The following EPHA5 variants were observed in gnomAD, a reference collection of about 807,000 sequenced individuals.
EPHA5 encodes EPH receptor A5, also known as ephrin type-A receptor 5.
In EPHA5, 60 loss-of-function variants were observed where a neutral mutation model predicts 105.0. The observed-to-expected ratio is 0.57, with a 90% confidence interval of 0.46 to 0.71. EPHA5 has a LOEUF of 0.71. Ranked by LOEUF, EPHA5 falls within the 30% of genes least tolerant of loss-of-function variation. The probability of loss-of-function intolerance (pLI) is 0.00; values close to 1 mark genes in which losing one functional copy is unlikely to be tolerated. For synonymous variants in EPHA5, 513 were observed against 449.1 expected, an observed-to-expected ratio of 1.14 and a Z score of -1.80; for missense variants, 1,218 against 1,274.7, an observed-to-expected ratio of 0.96 and a Z score of 0.68.
chr4:65,639,412 G>T (rs920434889), intron 2 of EPHA5, among the ~76,000 whole-genome samples: 2 of 152,108 alleles, frequency 1.3e-5, no homozygotes, highest in African/African-American at 2.4e-5. Context: ...AGAGGTCATC[G>T]CTTTGCCTTC....
intron 3 of EPHA5, among the ~76,000 whole-genome samples, chr4:65,515,933 A>G (rs945936328): frequency 6.6e-6 from 1 of 152,180 alleles, no homozygotes; most frequent in African/African-American, 2.4e-5. Context: ...TAGGACATCC[A>G]TCTTCTCCTG....
At chr4:65,405,661 T>C (rs1219208939) in intron 7 of EPHA5, among the ~76,000 whole-genome samples, 1 of 152,150 alleles carries the variant, frequency 6.6e-6, no homozygotes, top group Non-Finnish European at 1.5e-5. Flanking sequence ...AAAACTATTA[T>C]TTTCAATATA....
intron 3 of EPHA5, among the ~76,000 whole-genome samples, chr4:65,544,088 A>C (rs1239023293): frequency 6.6e-6 from 1 of 152,170 alleles, no homozygotes; most frequent in African/African-American, 2.4e-5. Flanking sequence ...AGATGGATTA[A>C]ATACTTAAAT....
chr4:65,478,683 G>T (rs372705206), intron 5 of EPHA5, among the ~76,000 whole-genome samples: 6 of 151,982 alleles, frequency 3.9e-5, no homozygotes, highest in East Asian at 1.9e-4. Context: ...TGCTGGCCAG[G>T]CTGGTCTCAA....
At chr4:65,561,363 A>T (rs1738996750) in intron 3 of EPHA5, among the ~76,000 whole-genome samples, 1 of 149,550 alleles carries the variant, frequency 6.7e-6, no homozygotes, top group Admixed American at 6.9e-5. Flanking sequence ...TACTGATGTT[A>T]TTCACAGTCA....
intron 14 of EPHA5, among the ~76,000 whole-genome samples, chr4:65,337,244 A>T (rs969771848): frequency 3.3e-5 from 5 of 152,062 alleles, no homozygotes; most frequent in African/African-American, 1.2e-4. Flanking sequence ...CCTCTCTACT[A>T]GCTTGTTGAA....
At chr4:65,478,251 C>T (rs1730020451) in intron 5 of EPHA5, among the ~76,000 whole-genome samples, 1 of 152,032 alleles carries the variant, frequency 6.6e-6, no homozygotes, top group Admixed American at 6.6e-5. Context: ...CAGTGTGAGG[C>T]CAATATAGAT....
At chr4:65,655,022 A>T (rs1295666413) in intron 1 of EPHA5, among the ~76,000 whole-genome samples, 1 of 151,092 alleles carries the variant, frequency 6.6e-6, no homozygotes, top group East Asian at 1.9e-4. Flanking sequence ...ATCAAATCAT[A>T]CTTAGAATTC....
chr4:65,563,269 G>C (rs1011379006), intron 3 of EPHA5, among the ~76,000 whole-genome samples: 9 of 151,956 alleles, frequency 5.9e-5, no homozygotes, highest in African/African-American at 2.2e-4. Flanking sequence ...GGCGTTGATG[G>C]CTGATGAAAA....
intron 5 of EPHA5, among the ~76,000 whole-genome samples, chr4:65,485,013 C>G (rs181500756): frequency 3.3e-5 from 5 of 151,644 alleles, no homozygotes; most frequent in Admixed American, 2.0e-4. Context: ...ATGTGTAAAT[C>G]AATTTTGTGT....
intron 15 of EPHA5, among the ~76,000 whole-genome samples, chr4:65,334,710 C>T (rs976747655): frequency 6.6e-6 from 1 of 151,944 alleles, no homozygotes; most frequent in Non-Finnish European, 1.5e-5. Flanking sequence ...ATCCTATATA[C>T]TGCATACAAT....
At chr4:65,378,608 T>C (rs1297521762) in intron 8 of EPHA5, among the ~76,000 whole-genome samples, 2 of 152,036 alleles carry the variant, frequency 1.3e-5, no homozygotes, top group Admixed American at 6.6e-5. Context: ...TCACTGCTTG[T>C]TGTTTATGGC....
intron 1 of EPHA5, among the ~76,000 whole-genome samples, chr4:65,656,576 T>TCA (rs1749081315): frequency 6.8e-6 from 1 of 147,550 alleles, no homozygotes; most frequent in Admixed American, 6.8e-5. Flanking sequence ...ATGTAGCATT[T>TCA]TATATATATA....
At chr4:65,532,569 T>A (rs1735903813) in intron 3 of EPHA5, among the ~76,000 whole-genome samples, 1 of 150,746 alleles carries the variant, frequency 6.6e-6, no homozygotes, top group Admixed American at 6.7e-5. Flanking sequence ...GGGTCCTGTC[T>A]TATTCTTTTG....
chr4:65,624,124 G>C (rs1560787365), intron 2 of EPHA5, among the ~76,000 whole-genome samples: 1 of 151,774 alleles, frequency 6.6e-6, no homozygotes, highest in Non-Finnish European at 1.5e-5. Context: ...TCAGAGAATA[G>C]GTAAATAAAA....
intron 2 of EPHA5, among the ~76,000 whole-genome samples, chr4:65,603,725 C>T (rs1743960980): frequency 6.6e-6 from 1 of 151,994 alleles, no homozygotes; most frequent in Admixed American, 6.6e-5. Context: ...TTTTATCTTG[C>T]CAAACAATTT....
intron 1 of EPHA5, among the ~76,000 whole-genome samples, chr4:65,660,137 T>C (rs1302787000): frequency 1.3e-5 from 2 of 152,076 alleles, no homozygotes; most frequent in East Asian, 3.9e-4. Context: ...ATTCAAAATA[T>C]TTGAACATAT....
intron 3 of EPHA5, among the ~76,000 whole-genome samples, chr4:65,504,095 A>G (rs908502334): frequency 6.6e-6 from 1 of 151,562 alleles, no homozygotes; most frequent in Non-Finnish European, 1.5e-5. Flanking sequence ...GATTAGGATT[A>G]TCAATTTCAC....
chr4:65,517,478 A>G (rs1734218500), intron 3 of EPHA5, among the ~76,000 whole-genome samples: 1 of 151,844 alleles, frequency 6.6e-6, no homozygotes, highest in Non-Finnish European at 1.5e-5. Context: ...TACTCTAATG[A>G]TCTGCACCTT....
Sources: allele counts gnomAD v4.1 joint callset (sites outside exome capture counted in the v4.1 genomes callset), GRCh38; gene constraint gnomAD v4.1.1; transcripts MANE v1.5; gene names NCBI Gene and HGNC (gene_info 2026-07-23, HGNC 2026-07-21).